Variants in MIA2 observed in about 807,000 individuals in gnomAD.
MIA2 encodes the protein MIA SH3 domain ER export factor 2, also known as melanoma inhibitory activity protein 2.
In MIA2, 127 loss-of-function variants were observed where a neutral mutation model predicts 167.8. The ratio of observed to expected loss-of-function variants is 0.76; its 90% confidence interval spans 0.66 to 0.88. The LOEUF is 0.88. Among genes scored for constraint, MIA2 ranks in the 40% least tolerant of loss-of-function variants. MIA2 has a pLI of 0.00. For synonymous variants in MIA2, 552 were observed against 541.9 expected, an observed-to-expected ratio of 1.02 and a Z score of -0.26; for missense variants, 1,690 against 1,624.7, an observed-to-expected ratio of 1.04 and a Z score of -0.69.
chr14:39,319,329 A>G, intron 23 of MIA2, 38 bp downstream of exon 23: 1 of 1,013,500 alleles, frequency 9.9e-7, no homozygotes. Context: ...TAAAATACAT[A>G]TTTTACATAT....
chr14:39,361,532 G>A (rs1013424246), intron 23 of MIA2, among the ~76,000 whole-genome samples: 5 of 150,028 alleles, frequency 3.3e-5, no homozygotes, highest in Middle Eastern at 3.2e-3. Flanking sequence ...TCCGCCTCCC[G>A]GGTTCAAGCG....
At chr14:39,266,244 T>C (rs532382623) in intron 6 of MIA2, 2 of 985,442 alleles carry the variant, frequency 2.0e-6, no homozygotes, top group Admixed American at 6.1e-5. Flanking sequence ...AGAATGATCA[T>C]GCTGGCAAGG....
intron 15 of MIA2, among the ~76,000 whole-genome samples, chr14:39,302,907 A>T (rs2062764361): frequency 6.6e-6 from 1 of 152,078 alleles, no homozygotes; most frequent in Non-Finnish European, 1.5e-5. Flanking sequence ...TCAGACTTTT[A>T]TGTCATTTTT....
chr14:39,269,527 T>C (rs990863670), intron 6 of MIA2, among the ~76,000 whole-genome samples: 2 of 151,868 alleles, frequency 1.3e-5, no homozygotes, highest in Non-Finnish European at 2.9e-5. Context: ...TTCTTTCTTT[T>C]TTTTTTTTTG....
At chr14:39,374,645 A>G (rs1375908635) in intron 23 of MIA2, among the ~76,000 whole-genome samples, 1 of 152,230 alleles carries the variant, frequency 6.6e-6, no homozygotes, top group Non-Finnish European at 1.5e-5. Flanking sequence ...GATCTTGTCT[A>G]ATATTCAAAC....
At position 39,247,526 on chromosome 14, in the gene MIA2, T is replaced by G. The variant is rs756576414; in HGVS notation, c.952T>G (p.Leu318Val). ...GTTTGGTGGAGGATTTACAAGTTAT[T>G]TAGGTTTTGGAGATGAGGATACAGG... is the stretch of plus-strand genomic sequence containing the variant. ...GWFGGGFTSY[L>V]GFGDEDTGLE... The change falls in exon 4 of 29, where the codon TTA (leucine) becomes GTA (valine). Residue 318 changes from leucine to valine, a missense_variant. Transcript: ENST00000640607. 3.7e-6 allele frequency: 6 copies of G among 1,613,874 alleles called. No individual in the cohort carries two copies. Among genetic ancestry groups the G allele is most frequent in the Non-Finnish European group, 5.1e-6 (6 of 1,180,002 alleles).
chr14:39,291,125 AGCTGGGG>A, intron 10 of MIA2, 29 bp downstream of exon 10: 6 of 1,562,756 alleles, frequency 3.8e-6, no homozygotes, highest in Admixed American at 4.1e-5. Context: ...TAATTTTAAA[AGCTGGGG>A]AAAAAAATAC....
chr14:39,279,242 A>G, intron 7 of MIA2, 95 bp from the exon 8 acceptor site: 1 of 996,776 alleles, frequency 1.0e-6, no homozygotes, highest in Non-Finnish European at 1.5e-6. Context: ...GCAATAAGAA[A>G]CCTGTATTTC....
chr14:39,266,280 C>G, intron 6 of MIA2: 1 of 982,730 alleles, frequency 1.0e-6, no homozygotes, highest in Non-Finnish European at 1.2e-6. Context: ...GATGGGTTAT[C>G]CTTTACACCT....
chr14:39,317,834 G>A lies in MIA2; in HGVS notation c.3217-110G>A, dbSNP rs898479276. The A allele has an allele frequency of 6.3e-6, 4 of 633,412 alleles. No homozygotes were observed. The East Asian group carries it at 1.1e-4, about 18-fold the overall frequency. 39.2% of individuals were successfully genotyped at this position (633,412 alleles called of 1,614,324 possible). On this transcript the variant is annotated intron_variant, in intron 21 of 28. Coordinates refer to ENST00000640607, the MANE Select transcript of MIA2 (RefSeq NM_001329214.4). ...TGATTATGATTTGTATACCATTGTT[G>A]TGATATATATATATTTTTAAGAAAT...
intron 9 of MIA2, among the ~76,000 whole-genome samples, chr14:39,285,131 A>G (rs1028078346): frequency 6.6e-6 from 1 of 152,198 alleles, no homozygotes; most frequent in Non-Finnish European, 1.5e-5. Flanking sequence ...GAACAAAATG[A>G]AGTCTCCCAT....
intron 6 of MIA2, among the ~76,000 whole-genome samples, chr14:39,273,252 T>A (rs889027128): frequency 7.1e-6 from 1 of 140,896 alleles, no homozygotes; most frequent in Non-Finnish European, 1.5e-5. Context: ...TTTTTTTTTT[T>A]CCTCATCTTT....
chr14:39,380,422 C>A (rs1415692694), intron 23 of MIA2, among the ~76,000 whole-genome samples: 4 of 152,052 alleles, frequency 2.6e-5, no homozygotes, highest in Non-Finnish European at 4.4e-5. Flanking sequence ...TGCTGGAGTG[C>A]TGTGGCTCAC....
At chr14:39,234,298 G>A (rs2053634954) in intron 1 of MIA2, 69 bp downstream of exon 1, 5 of 924,006 alleles carry the variant, frequency 5.4e-6, no homozygotes, top group Non-Finnish European at 8.4e-6. Flanking sequence ...ATCTTATTGT[G>A]GTCACGCATG....
chr14:39,241,469 C>G (rs549493015), intron 3 of MIA2, among the ~76,000 whole-genome samples: 1 of 152,070 alleles, frequency 6.6e-6, no homozygotes, highest in Non-Finnish European at 1.5e-5. Context: ...ATTCCATTTT[C>G]GCCCTAATTC....
intron 23 of MIA2, among the ~76,000 whole-genome samples, chr14:39,359,329 G>C (rs905814093): frequency 6.6e-6 from 1 of 152,236 alleles, no homozygotes; most frequent in Non-Finnish European, 1.5e-5. Context: ...GTGAGGCTCC[G>C]TGGGCGTAGG....
Position 39,277,036 on chromosome 14 carries a change from C to T in MIA2, c.1990C>T (p.Leu664Phe). ...AGCTGTTGTTGGATTTTTTGCTGTTCTCTTTTTTTTGTGGAGAAGTTTTAG... is the reference window on the plus strand; with the variant it reads ...AGCTGTTGTTGGATTTTTTGCTGTTTTCTTTTTTTTGTGGAGAAGTTTTAG... ...CAAVVGFFAVLFFLWRSFRSV... is the reference protein window; with the variant it reads ...CAAVVGFFAVFFFLWRSFRSV... The change falls in exon 7 of 29, where the codon CTC becomes TTC. Residue 664 changes from leucine (L) to phenylalanine (F), a missense_variant. Coordinates refer to ENST00000640607, the MANE Select transcript of MIA2 (RefSeq NM_001329214.4). 6.2e-7 allele frequency: 1 copy of T among 1,613,576 alleles called. No homozygotes were observed. The highest frequency in any genetic ancestry group is 1.3e-5 in the African/African-American group (1 of 74,958).
At position 39,277,010 on chromosome 14, in the gene MIA2, C is replaced by G. The variant is rs761638597; in HGVS notation, c.1964C>G (p.Ala655Gly). 1 of 1,613,906 alleles carries G rather than the reference C, an allele frequency of 6.2e-7. No homozygotes were observed. The highest frequency in any genetic ancestry group is 1.1e-5 in the South Asian group (1 of 91,066). ...TTTCCATGGGAATTGGTGATATGTG[C>G]AGCTGTTGTTGGATTTTTTGCTGTT... ...YGFPWELVIC[A>G]AVVGFFAVLF... is the part of the protein sequence containing the mutation. Residue 655 changes from alanine to glycine, a missense_variant, in exon 7 of 29, where the codon GCA (alanine) becomes GGA (glycine). By Grantham distance (60) the Ala-to-Gly change is moderately conservative. Transcript: ENST00000640607.
chr14:39,377,772 T>A (rs541558048), intron 23 of MIA2, among the ~76,000 whole-genome samples: 8 of 151,996 alleles, frequency 5.3e-5, no homozygotes, highest in Non-Finnish European at 1.0e-4. Context: ...TTTTTTTTTT[T>A]AAATTGGCTT....
Sources: gnomAD v4.1 joint callset for allele counts (sites outside exome capture counted in the v4.1 genomes callset) on GRCh38, gnomAD v4.1.1 for gene constraint, MANE v1.5 for transcripts, NCBI Gene and HGNC (gene_info 2026-07-23, HGNC 2026-07-21) for gene names.